NR3C2: variants seen among roughly 807,000 people sequenced by gnomAD.
NR3C2 encodes the protein nuclear receptor subfamily 3 group C member 2, also known as mineralocorticoid receptor.
NR3C2 carries 15 observed loss-of-function variants against 86.4 expected under a neutral mutation model. The observed-to-expected ratio is 0.17, with a 90% confidence interval of 0.12 to 0.27. The LOEUF (loss-of-function observed/expected upper bound fraction) is 0.27. Among genes scored for constraint, NR3C2 ranks in the 10% least tolerant of loss-of-function variants. The probability of loss-of-function intolerance (pLI) is 1.00; values close to 1 mark genes in which losing one functional copy is unlikely to be tolerated. For missense variants in NR3C2, 960 were observed against 1,195.6 expected (o/e 0.80, Z 2.91); for synonymous variants, 458 against 450.5 (o/e 1.02, Z -0.21).
chr4:148,415,171 C>CAGAAA, intron 2 of NR3C2, among the ~76,000 whole-genome samples: 1 of 152,022 alleles, frequency 6.6e-6, no homozygotes, highest in East Asian at 1.9e-4. Context: ...AAATAATAAA[C>CAGAAA]AGAAAAGAAA....
rs751502111 is a variant in NR3C2 at position 148,388,797 on chromosome 4, G to T, written c.1757+46307C>A. 1.7e-4 allele frequency among the ~76,000 whole-genome samples: 26 copies of T among 152,236 alleles called. No homozygotes were observed. In the East Asian group the frequency reaches 2.3e-3, roughly 14 times the overall value. On this transcript the variant is annotated intron_variant, in intron 2 of 8. Coordinates refer to ENST00000358102, the MANE Select transcript of NR3C2 (RefSeq NM_000901.5). The stretch of plus-strand genomic sequence containing the variant: ...GACAATTGGAAAGTACTCTTTAGTC[G>T]CAAGGCTTGCAGAAGACCCAGAGGA...
intron 2 of NR3C2, among the ~76,000 whole-genome samples, chr4:148,418,184 G>C (rs1024349521): frequency 1.3e-5 from 2 of 152,332 alleles, no homozygotes; most frequent in East Asian, 3.9e-4. Flanking sequence ...AACCATCACA[G>C]TACATCACTG....
chr4:148,424,802 T>G lies in NR3C2; in HGVS notation c.1757+10302A>C, dbSNP rs1749448989. Among the ~76,000 whole-genome samples the G allele has an allele frequency of 4.6e-5, 7 of 152,166 alleles. No individual in the cohort carries two copies. In the South Asian group the frequency reaches 1.4e-3, roughly 32 times the overall value. On this transcript the variant is annotated intron_variant, in intron 2 of 8. Transcript: ENST00000358102. Reference sequence around the variant, plus strand: ...AAAGGGTTGACCAAGAGAATTTTAGTGAATGATAGAACTCTTCTGCATCTC... The same window carrying G: ...AAAGGGTTGACCAAGAGAATTTTAGGGAATGATAGAACTCTTCTGCATCTC...
At chr4:148,296,171 T>G (rs1406452762) in intron 2 of NR3C2, among the ~76,000 whole-genome samples, 1 of 151,498 alleles carries the variant, frequency 6.6e-6, no homozygotes, top group Non-Finnish European at 1.5e-5. Flanking sequence ...ATGATCAAAA[T>G]GTATTTATTT....
intron 8 of NR3C2, among the ~76,000 whole-genome samples, chr4:148,096,363 G>A (rs1731276796): frequency 6.6e-6 from 1 of 152,138 alleles, no homozygotes; most frequent in South Asian, 2.1e-4. Flanking sequence ...ACTATGCTGA[G>A]CAAAGTAAAA....
intron 8 of NR3C2, among the ~76,000 whole-genome samples, chr4:148,104,172 T>C (rs1321401128): frequency 1.3e-5 from 2 of 152,164 alleles, no homozygotes; most frequent in African/African-American, 2.4e-5. Context: ...TGTAAGCCCT[T>C]AGTAATCATT....
chr4:148,213,774 T>C (rs1169176475), intron 3 of NR3C2, among the ~76,000 whole-genome samples: 2 of 152,232 alleles, frequency 1.3e-5, no homozygotes, highest in Non-Finnish European at 2.9e-5. Context: ...AATCTGATTC[T>C]GTTTCATCCA....
At chr4:148,377,113 G>A (rs889198089) in intron 2 of NR3C2, among the ~76,000 whole-genome samples, 17 of 152,058 alleles carry the variant, frequency 1.1e-4, no homozygotes, top group African/African-American at 4.1e-4. Context: ...TATTCTGGTA[G>A]GGAAGGAAGA....
At position 148,423,631 on chromosome 4, in the gene NR3C2, T is replaced by C. The variant is rs1218538695; in HGVS notation, c.1757+11473A>G. Among the ~76,000 whole-genome samples the C allele has an allele frequency of 2.0e-5, 3 of 152,250 alleles. 1 individual carries two copies. The highest frequency in any genetic ancestry group is 2.0e-4 in the Admixed American group (3 of 15,282). Reference sequence around the variant, plus strand: ...TAGATGGGAATACAGTGGGGACATTTGGTTTGTTTCATATTCATTTTTTTG... The same window carrying C: ...TAGATGGGAATACAGTGGGGACATTCGGTTTGTTTCATATTCATTTTTTTG... On this transcript the variant is annotated intron_variant, in intron 2 of 8. Coordinates refer to ENST00000358102, the MANE Select transcript of NR3C2 (RefSeq NM_000901.5).
chr4:148,245,930 ACTTAT>A lies in NR3C2; in HGVS notation c.1897+14043_1897+14047del, dbSNP rs140659039. On this transcript the variant is annotated intron_variant, in intron 3 of 8. Transcript: ENST00000358102. ...TCAAATCTTAAGCAGTGGGAAGAAT[ACTTAT>A]CTTATGATTTACTTGTGTAAAATAA... Among the ~76,000 whole-genome samples, 1,379 of 152,344 alleles carry A rather than the reference ACTTAT, an allele frequency of 9.1e-3. 22 individuals carry two copies. The highest frequency in any genetic ancestry group is 0.031 in the African/African-American group (1,303 of 41,582).
rs34170216 is a variant in NR3C2 at position 148,274,705 on chromosome 4, CTT to C, written c.1758-14590_1758-14589del. Among the ~76,000 whole-genome samples, 297 of 129,190 alleles carry C rather than the reference CTT, an allele frequency of 2.3e-3. 1 individual carries two copies. The highest frequency in any genetic ancestry group is 6.9e-3 in the African/African-American group (232 of 33,514). The allele number at this position is 129,190 out of a possible 152,430, so 84.8% of individuals were successfully genotyped here. ...ATTATCCAGTCTCAGGTAGTTTTTT[CTT>C]TTTTTTTTTTTTTTTGAGATGGAGT... On this transcript the variant is annotated intron_variant, in intron 2 of 8. Transcript: ENST00000358102.
At chr4:148,147,021 C>T (rs573967753) in intron 6 of NR3C2, among the ~76,000 whole-genome samples, 4 of 152,024 alleles carry the variant, frequency 2.6e-5, no homozygotes, top group Admixed American at 6.5e-5. Context: ...ATACTTGCAG[C>T]GATCTGTAGC....
In NR3C2 at chr4:148,242,659, T is replaced by C. The variant is rs578147693; in HGVS notation, c.1897+17319A>G. Among the ~76,000 whole-genome samples the C allele has an allele frequency of 3.3e-5, 5 of 152,320 alleles. No homozygotes were observed. The East Asian group carries it at 9.6e-4, about 29-fold the overall frequency. On this transcript the variant is annotated intron_variant, in intron 3 of 8. Transcript: ENST00000358102. ...TCTTCCTCATTCTTTTTCTCTAAAA[T>C]TTTACAGAAAATATTTTCTCACAGA...
At chr4:148,148,570 C>T (rs1402789125) in intron 6 of NR3C2, among the ~76,000 whole-genome samples, 2 of 152,182 alleles carry the variant, frequency 1.3e-5, no homozygotes, top group Admixed American at 6.5e-5. Flanking sequence ...CACTGTCTTG[C>T]TCTTAGTTCA....
At chr4:148,330,176 T>C (rs936189429) in intron 2 of NR3C2, among the ~76,000 whole-genome samples, 9 of 152,260 alleles carry the variant, frequency 5.9e-5, no homozygotes, top group Admixed American at 2.0e-4. Context: ...ACACTGTTTT[T>C]GTCTTCATAA....
chr4:148,314,959 T>G (rs1266067930), intron 2 of NR3C2, among the ~76,000 whole-genome samples: 2 of 152,228 alleles, frequency 1.3e-5, no homozygotes, highest in Non-Finnish European at 2.9e-5. Flanking sequence ...ACGAACATTA[T>G]ACAATAAATG....
At chr4:148,360,968 T>A (rs969556477) in intron 2 of NR3C2, among the ~76,000 whole-genome samples, 24 of 152,300 alleles carry the variant, frequency 1.6e-4, no homozygotes, top group African/African-American at 5.5e-4. Flanking sequence ...CTCCTCAGGA[T>A]GCCACCCAAG....
At chr4:148,184,854 T>C (rs964416207) in intron 4 of NR3C2, among the ~76,000 whole-genome samples, 5 of 152,292 alleles carry the variant, frequency 3.3e-5, no homozygotes, top group African/African-American at 1.2e-4. Flanking sequence ...GACATGGTGG[T>C]GCACTAGAGA....
chr4:148,404,690 G>C (rs1748326795), intron 2 of NR3C2, among the ~76,000 whole-genome samples: 1 of 151,934 alleles, frequency 6.6e-6, no homozygotes, highest in Non-Finnish European at 1.5e-5. Flanking sequence ...ATGATAAAAT[G>C]ATTTTAAAAC....
Sources: gnomAD v4.1 joint callset for allele counts (sites outside exome capture counted in the v4.1 genomes callset) on GRCh38, gnomAD v4.1.1 for gene constraint, MANE v1.5 for transcripts, NCBI Gene and HGNC (gene_info 2026-07-23, HGNC 2026-07-21) for gene names.